Variants in CNOT2 observed in about 807,000 individuals in gnomAD.
CNOT2 encodes the protein CC chemokine receptor 4-negative regulator of transcription 2.
In CNOT2, 7 loss-of-function variants were observed where a neutral mutation model predicts 72.1. The observed-to-expected ratio is 0.10, with a 90% confidence interval of 0.06 to 0.18. CNOT2 has a LOEUF of 0.18. CNOT2 is among the 10% of genes least tolerant of loss of function. The pLI, the probability that CNOT2 is intolerant of heterozygous loss-of-function variation, is 1.00. For synonymous variants in CNOT2, 196 were observed against 225.6 expected, an observed-to-expected ratio of 0.87 and a Z score of 1.17; for missense variants, 345 against 660.3, an observed-to-expected ratio of 0.52 and a Z score of 5.23.
intron 1 of CNOT2, among the ~76,000 whole-genome samples, chr12:70,273,756 G>A (rs760367284): frequency 1.5e-4 from 23 of 152,088 alleles, no homozygotes; most frequent in Non-Finnish European, 2.8e-4. Context: ...TCTGTCTCGA[G>A]ATGGTGGGCC....
intron 14 of CNOT2, chr12:70,344,804 G>A (rs1881955851): frequency 1.3e-5 from 2 of 152,184 alleles, no homozygotes; most frequent in Non-Finnish European, 2.9e-5. Flanking sequence ...TCTAATTTTT[G>A]TAAATATGTG....
rs773693688 is a variant in CNOT2 at position 70,344,154 on chromosome 12, T to C, written c.1317T>C (p.Tyr439=). 35 of 1,604,864 alleles carry C rather than the reference T, an allele frequency of 2.2e-5. No individual in the cohort carries two copies. Among genetic ancestry groups the C allele is most frequent in the African/African-American group, 2.7e-5 (2 of 74,444 alleles). ...DKLAAIKLGR[Y]GEDLLFYLYY... ...TGGCTGCAATAAAACTTGGCCGATA[T>C]GGTGAAGACCTTCTCTTCTATCTCT... The change falls in exon 14 of 16, where the codon TAT becomes TAC. Residue 439 remains tyrosine, a synonymous_variant. Coordinates refer to ENST00000229195, the MANE Select transcript of CNOT2 (RefSeq NM_014515.7).
At chr12:70,266,167 C>T (rs770645456) in intron 1 of CNOT2, among the ~76,000 whole-genome samples, 4 of 151,822 alleles carry the variant, frequency 2.6e-5, no homozygotes, top group East Asian at 1.9e-4. Context: ...AGTGCAATGG[C>T]GCCATCTTGG....
At chr12:70,285,146 C>T (rs1033754123) in intron 2 of CNOT2, among the ~76,000 whole-genome samples, 2 of 151,836 alleles carry the variant, frequency 1.3e-5, no homozygotes, top group Non-Finnish European at 2.9e-5. Flanking sequence ...GACATTAATG[C>T]GGATATTTCT....
chr12:70,332,975 G>T (rs537768120), intron 7 of CNOT2, 129 bp downstream of exon 7: 33 of 1,304,004 alleles, frequency 2.5e-5, no homozygotes, highest in South Asian at 2.2e-4. Flanking sequence ...TTTTAATTCA[G>T]TGAAAAATAG....
At chr12:70,253,996 T>A (rs775600436) in intron 1 of CNOT2, among the ~76,000 whole-genome samples, 1 of 152,106 alleles carries the variant, frequency 6.6e-6, no homozygotes, top group East Asian at 1.9e-4. Flanking sequence ...CCCAACACTT[T>A]GGGAGACCAA....
At chr12:70,251,247 C>A (rs1420981137) in intron 1 of CNOT2, among the ~76,000 whole-genome samples, 1 of 152,136 alleles carries the variant, frequency 6.6e-6, no homozygotes, top group African/African-American at 2.4e-5. Flanking sequence ...GTAGAAACAT[C>A]CTAGAGTAGA....
intron 4 of CNOT2, among the ~76,000 whole-genome samples, chr12:70,326,954 G>T (rs1879164976): frequency 6.6e-6 from 1 of 151,772 alleles, no homozygotes; most frequent in African/African-American, 2.4e-5. Flanking sequence ...TCCCTAATTG[G>T]CCAAATAGCC....
intron 1 of CNOT2, among the ~76,000 whole-genome samples, chr12:70,261,352 T>C (rs1227545895): frequency 6.9e-6 from 1 of 144,648 alleles, no homozygotes; most frequent in Non-Finnish European, 1.5e-5. Flanking sequence ...TCTTGTTCTG[T>C]TGCCCAGGCT....
intron 2 of CNOT2, among the ~76,000 whole-genome samples, chr12:70,288,691 TTGA>T (rs1232334441): frequency 1.3e-5 from 2 of 152,214 alleles, no homozygotes; most frequent in African/African-American, 4.8e-5. Context: ...GTAAGTATTG[TTGA>T]TTGGATAAAG....
At chr12:70,254,724 G>A (rs1958335009) in intron 1 of CNOT2, among the ~76,000 whole-genome samples, 1 of 152,144 alleles carries the variant, frequency 6.6e-6, no homozygotes, top group Admixed American at 6.6e-5. Flanking sequence ...GCTCATGCCT[G>A]TAATCCCAGC....
intron 1 of CNOT2, among the ~76,000 whole-genome samples, chr12:70,268,119 C>T (rs1959139569): frequency 1.3e-5 from 2 of 152,282 alleles, no homozygotes; most frequent in South Asian, 4.1e-4. Context: ...TTCATTTTGT[C>T]CAAAGAATCT....
At chr12:70,344,325 A>G (rs1206057567) in intron 14 of CNOT2, 97 bp downstream of exon 14, 2 of 711,478 alleles carry the variant, frequency 2.8e-6, no homozygotes, top group East Asian at 2.6e-5. Context: ...AAATGGAACT[A>G]TTTCTCCATC....
At chr12:70,321,989 G>C (rs74101493) in intron 4 of CNOT2, 1 of 151,652 alleles carries the variant, frequency 6.6e-6, no homozygotes, top group Admixed American at 6.6e-5. Flanking sequence ...AATAATTCAC[G>C]TGAATACTGT....
chr12:70,296,589 A>G (rs1872829004), intron 2 of CNOT2, among the ~76,000 whole-genome samples: 1 of 151,714 alleles, frequency 6.6e-6, no homozygotes. Context: ...CCTATATCAT[A>G]TTAAAAATAT....
chr12:70,251,765 A>G (rs12302196), intron 1 of CNOT2, among the ~76,000 whole-genome samples: 1,809 of 152,310 alleles, frequency 0.012, 36 homozygotes, highest in African/African-American at 0.04. Flanking sequence ...TCTGTAGTCT[A>G]TCTTTTAGAG....
chr12:70,322,233 A>G (rs1406858274), intron 4 of CNOT2: 1 of 151,806 alleles, frequency 6.6e-6, no homozygotes, highest in Non-Finnish European at 1.5e-5. Flanking sequence ...CTATTCAAGG[A>G]CCTGCTGTAT....
intron 1 of CNOT2, among the ~76,000 whole-genome samples, chr12:70,268,959 C>T (rs1959169210): frequency 6.6e-6 from 1 of 152,186 alleles, no homozygotes. Context: ...TATGCTGCAA[C>T]ATATATTTTC....
chr12:70,258,951 T>C (rs1249214581), intron 1 of CNOT2, among the ~76,000 whole-genome samples: 2 of 152,120 alleles, frequency 1.3e-5, no homozygotes, highest in African/African-American at 4.8e-5. Context: ...GAATGGTAGA[T>C]GGGTACAGAA....
Sources: gnomAD v4.1 joint callset for allele counts (sites outside exome capture counted in the v4.1 genomes callset) on GRCh38, gnomAD v4.1.1 for gene constraint, MANE v1.5 for transcripts, NCBI Gene and HGNC (gene_info 2026-07-23, HGNC 2026-07-21) for gene names.